The following TENM3 variants were observed in gnomAD, a reference collection of about 807,000 sequenced individuals.
TENM3 encodes the protein teneurin transmembrane protein 3.
TENM3 carries 63 observed loss-of-function variants against 255.1 expected under a neutral mutation model. The ratio of observed to expected loss-of-function variants is 0.25; its 90% CI spans 0.20 to 0.30. The LOEUF (loss-of-function observed/expected upper bound fraction) is 0.30, where lower values mean the gene tolerates loss of function less well. Ranked by LOEUF, TENM3 falls within the 10% of genes least tolerant of loss-of-function variation. The pLI is 1.00. For synonymous variants in TENM3, 1,306 were observed against 1,322.3 expected, an observed-to-expected ratio of 0.99 and a Z score of 0.27; for missense variants, 2,929 against 3,461.1, an observed-to-expected ratio of 0.85 and a Z score of 3.86.
the TENM3 span, among the ~76,000 whole-genome samples, chr4:181,865,778 G>T: frequency 6.6e-6 from 1 of 152,126 alleles, no homozygotes; most frequent in South Asian, 2.1e-4. Context: ...AATCCGGTCA[G>T]TGTACTCTTC....
the TENM3 span, among the ~76,000 whole-genome samples, chr4:182,008,777 C>T: frequency 2.0e-5 from 3 of 152,076 alleles, no homozygotes; most frequent in Admixed American, 1.3e-4. Flanking sequence ...AGAGATGTTG[C>T]GATCATTTGG....
intron 18 of TENM3, among the ~76,000 whole-genome samples, chr4:182,739,091 C>T (rs1404152460): frequency 6.6e-6 from 1 of 151,440 alleles, no homozygotes; most frequent in Non-Finnish European, 1.5e-5. Flanking sequence ...AGCATTCTGC[C>T]ACTCAAATGG....
intron 5 of TENM3, among the ~76,000 whole-genome samples, chr4:182,650,681 A>C (rs560123155): frequency 6.7e-6 from 1 of 149,156 alleles, no homozygotes; most frequent in South Asian, 2.3e-4. Flanking sequence ...TGAATATCTT[A>C]AATTATGCAT....
intron 1 of TENM3, among the ~76,000 whole-genome samples, chr4:182,275,104 C>T (rs969485530): frequency 2.0e-5 from 3 of 152,146 alleles, no homozygotes; most frequent in Non-Finnish European, 4.4e-5. Context: ...GGATTATAGG[C>T]TTGAGCCACC....
At chr4:182,381,863 T>C (rs1329695107) in intron 3 of TENM3, among the ~76,000 whole-genome samples, 1 of 152,174 alleles carries the variant, frequency 6.6e-6, no homozygotes, top group Admixed American at 6.5e-5. Context: ...ACCGGGCCTA[T>C]AGCTGTTGTT....
the TENM3 span, among the ~76,000 whole-genome samples, chr4:181,707,880 T>C: frequency 8.5e-5 from 13 of 152,168 alleles, no homozygotes; most frequent in African/African-American, 3.1e-4. Flanking sequence ...TAGTAATTGA[T>C]TCATAAAAGG....
At chr4:181,477,357 T>C in the TENM3 span, among the ~76,000 whole-genome samples, 2 of 152,302 alleles carry the variant, frequency 1.3e-5, no homozygotes, top group South Asian at 4.1e-4. Context: ...AGTTCCCTCT[T>C]CCAATTTACT....
At chr4:182,229,208 T>C (rs1756391934) in intron 1 of TENM3, among the ~76,000 whole-genome samples, 1 of 152,230 alleles carries the variant, frequency 6.6e-6, no homozygotes, top group Admixed American at 6.5e-5. Context: ...TTTTTTTCTT[T>C]TCAGTAAACA....
intron 4 of TENM3, among the ~76,000 whole-genome samples, chr4:182,625,232 C>T (rs1416510394): frequency 2.0e-5 from 3 of 152,110 alleles, no homozygotes; most frequent in Admixed American, 6.5e-5. Flanking sequence ...CACGGGTCCC[C>T]GACCACTGGG....
At chr4:181,937,577 A>G in the TENM3 span, among the ~76,000 whole-genome samples, 1 of 152,172 alleles carries the variant, frequency 6.6e-6, no homozygotes, top group Non-Finnish European at 1.5e-5. Flanking sequence ...GAACATGAGG[A>G]CAGACGTGAT....
chr4:182,454,368 A>G (rs970889554), intron 3 of TENM3, among the ~76,000 whole-genome samples: 1 of 152,100 alleles, frequency 6.6e-6, no homozygotes, highest in South Asian at 2.1e-4. Flanking sequence ...AGTGTGTTTC[A>G]TACATCGATT....
intron 3 of TENM3, among the ~76,000 whole-genome samples, chr4:182,541,255 A>G (rs554794486): frequency 2.0e-5 from 3 of 152,306 alleles, no homozygotes; most frequent in Non-Finnish European, 2.9e-5. Flanking sequence ...ATCATGTGCT[A>G]TCTTATGGGT....
intron 3 of TENM3, among the ~76,000 whole-genome samples, chr4:182,549,431 T>G (rs543544073): frequency 6.6e-6 from 1 of 151,764 alleles, no homozygotes; most frequent in African/African-American, 2.4e-5. Context: ...GAGTGTGTTG[T>G]TTGAGTTTTC....
At chr4:182,243,941 G>GTTTTC (rs1757463490) in intron 1 of TENM3, among the ~76,000 whole-genome samples, 3 of 107,410 alleles carry the variant, frequency 2.8e-5, no homozygotes, top group African/African-American at 7.5e-5. Flanking sequence ...AATCATTTGT[G>GTTTTC]TTTTCTTTTT....
chr4:181,639,503 G>T, the TENM3 span, among the ~76,000 whole-genome samples: 14 of 152,268 alleles, frequency 9.2e-5, no homozygotes, highest in East Asian at 2.3e-3. Flanking sequence ...ACTTTGGGAG[G>T]CCGAGGCGGG....
the TENM3 span, among the ~76,000 whole-genome samples, chr4:181,576,811 CTTTT>C: frequency 1.7e-4 from 21 of 123,966 alleles, no homozygotes; most frequent in South Asian, 5.3e-3. Context: ...TCTTTCTTTT[CTTTT>C]TTTTTTTTTT....
At chr4:182,457,594 G>A (rs921122801) in intron 3 of TENM3, among the ~76,000 whole-genome samples, 11 of 100,442 alleles carry the variant, frequency 1.1e-4, no homozygotes, top group South Asian at 7.1e-4. Context: ...ACCTTGTCTC[G>A]ATACCTAGAC....
intron 1 of TENM3, among the ~76,000 whole-genome samples, chr4:182,198,784 A>T (rs1368064531): frequency 6.6e-6 from 1 of 152,198 alleles, no homozygotes; most frequent in East Asian, 1.9e-4. Context: ...AGCAGAGGGA[A>T]GCAAAGGAAT....
intron 2 of TENM3, among the ~76,000 whole-genome samples, chr4:182,339,260 A>G (rs1247175130): frequency 6.6e-6 from 1 of 152,226 alleles, no homozygotes; most frequent in African/African-American, 2.4e-5. Context: ...TCATTTAGAG[A>G]TCAAAATGAT....
Sources: gnomAD v4.1 joint callset for allele counts (sites outside exome capture counted in the v4.1 genomes callset) on GRCh38, gnomAD v4.1.1 for gene constraint, MANE v1.5 for transcripts, NCBI Gene and HGNC (gene_info 2026-07-23, HGNC 2026-07-21) for gene names.